SEM1: variants seen among roughly 807,000 people sequenced by gnomAD.
SEM1 encodes 26S proteasome complex subunit SEM1.
A neutral mutation model predicts 12.7 loss-of-function variants in SEM1; 3 were observed. The ratio of observed to expected loss-of-function variants is 0.24; its 90% CI spans 0.11 to 0.61. The LOEUF is 0.61. Among genes scored for constraint, SEM1 ranks in the 20% least tolerant of loss-of-function variants. The probability of loss-of-function intolerance (pLI) is 0.88; values close to 1 mark genes in which losing one functional copy is unlikely to be tolerated. For missense variants in SEM1, 59 were observed against 81.3 expected, an observed-to-expected ratio of 0.73 and a Z score of 1.06; for synonymous variants, 30 against 27.8, an observed-to-expected ratio of 1.08 and a Z score of -0.25.
At chr7:96,703,651 T>G (rs1304025994) in intron 1 of SEM1, among the ~76,000 whole-genome samples, 1 of 151,346 alleles carries the variant, frequency 6.6e-6, no homozygotes, top group Non-Finnish European at 1.5e-5. Flanking sequence ...ATATTCCATT[T>G]TTTTTTTTTC....
Position 96,572,588 on chromosome 7 carries a change from C to CAAAA in SEM1, c.171-65891_171-65890insTTTT, listed in dbSNP as rs573038066. On this transcript the variant is annotated intron_variant and NMD_transcript_variant, in intron 2 of 3. Transcript: ENST00000466986. ...GTTGTTCAGTTTTCATGTAGTTGTGCGGTTTTGAGTGAGTTTCTTTATCTG... is the reference window on the plus strand; with the variant it reads ...GTTGTTCAGTTTTCATGTAGTTGTGCAAAAGGTTTTGAGTGAGTTTCTTTATCTG... 5.3e-4 allele frequency among the ~76,000 whole-genome samples: 80 copies of CAAAA among 152,134 alleles called. 1 individual carries two copies. Among genetic ancestry groups the CAAAA allele is most frequent in the African/African-American group, 1.9e-3 (77 of 41,498 alleles).
chr7:96,587,124 A>G (rs1806664712), intron 2 of SEM1, among the ~76,000 whole-genome samples: 1 of 152,258 alleles, frequency 6.6e-6, no homozygotes, highest in Admixed American at 6.5e-5. Context: ...GAGAACACCA[A>G]TATTAAACAT....
At chr7:96,624,935 T>C (rs1244877361) in intron 2 of SEM1, among the ~76,000 whole-genome samples, 3 of 152,200 alleles carry the variant, frequency 2.0e-5, no homozygotes, top group Non-Finnish European at 4.4e-5. Flanking sequence ...ATAATGCTGA[T>C]AGAATTAATG....
intron 1 of SEM1, among the ~76,000 whole-genome samples, chr7:96,700,976 A>G (rs2115972201): frequency 6.6e-6 from 1 of 152,312 alleles, no homozygotes; most frequent in African/African-American, 2.4e-5. Context: ...TTAAATTTAC[A>G]AGTTTCTAAT....
In SEM1 at chr7:96,567,539, A is replaced by G. The variant is rs149013559; in HGVS notation, c.171-60841T>C. Among the ~76,000 whole-genome samples the G allele has an allele frequency of 2.0e-4, 31 of 151,590 alleles. No homozygotes were observed. The East Asian group carries it at 5.2e-3, about 26-fold the overall frequency. On this transcript the variant is annotated intron_variant and NMD_transcript_variant, in intron 2 of 3. Coordinates refer to the SEM1 transcript ENST00000466986. Reference sequence around the variant, plus strand: ...TTCCACATTTATAACCTCTAAAGCAATGAGAAGTAATCATTGTAATGGTGG... The same window carrying G: ...TTCCACATTTATAACCTCTAAAGCAGTGAGAAGTAATCATTGTAATGGTGG...
intron 2 of SEM1, among the ~76,000 whole-genome samples, chr7:96,598,229 T>C (rs563003656): frequency 6.6e-6 from 1 of 152,252 alleles, no homozygotes; most frequent in East Asian, 1.9e-4. Flanking sequence ...AATGAACTGG[T>C]AGAGTCAGGG....
chr7:96,587,359 C>T (rs1806674172), intron 2 of SEM1, among the ~76,000 whole-genome samples: 1 of 152,198 alleles, frequency 6.6e-6, no homozygotes, highest in African/African-American at 2.4e-5. Flanking sequence ...CTGAAAAAGG[C>T]TTCTGTTCTC....
intron 2 of SEM1, among the ~76,000 whole-genome samples, chr7:96,542,873 T>TTTCC (rs1735745830): frequency 6.6e-6 from 1 of 151,930 alleles, no homozygotes; most frequent in Non-Finnish European, 1.5e-5. Flanking sequence ...AAGATCTGTA[T>TTTCC]ACCACTGTTA....
intron 2 of SEM1, among the ~76,000 whole-genome samples, chr7:96,535,695 G>C (rs1804766505): frequency 6.6e-6 from 1 of 151,778 alleles, no homozygotes; most frequent in South Asian, 2.1e-4. Context: ...CCTCTCATTA[G>C]TGATAACATG....
chr7:96,619,405 C>G (rs1807821154), downstream of SEM1, among the ~76,000 whole-genome samples: 1 of 151,992 alleles, frequency 6.6e-6, no homozygotes, highest in Non-Finnish European at 1.5e-5. Flanking sequence ...TAAGGCATAG[C>G]TATTAGCTGA....
intron 2 of SEM1, among the ~76,000 whole-genome samples, chr7:96,542,988 T>C (rs1805001406): frequency 1.3e-5 from 2 of 151,990 alleles, no homozygotes; most frequent in Admixed American, 1.3e-4. Flanking sequence ...TGGGATGTTA[T>C]ATAGCTTTTG....
intron 2 of SEM1, among the ~76,000 whole-genome samples, chr7:96,594,397 AC>A (rs201575222): frequency 4.8e-4 from 71 of 148,888 alleles, no homozygotes; most frequent in African/African-American, 1.6e-3. Context: ...GAATATGAAA[AC>A]CCCCCCACCA....
intron 2 of SEM1, among the ~76,000 whole-genome samples, chr7:96,631,387 T>G (rs2116336847): frequency 6.6e-6 from 1 of 152,236 alleles, no homozygotes; most frequent in African/African-American, 2.4e-5. Flanking sequence ...AGTTTTTTTC[T>G]TTTATAATAG....
At chr7:96,585,543 A>G (rs1806592435) in intron 2 of SEM1, among the ~76,000 whole-genome samples, 1 of 152,222 alleles carries the variant, frequency 6.6e-6, no homozygotes, top group African/African-American at 2.4e-5. Flanking sequence ...AGCCTGGGCA[A>G]TGGCGGGCGC....
At chr7:96,524,304 C>G (rs993141463) in intron 2 of SEM1, among the ~76,000 whole-genome samples, 1 of 152,108 alleles carries the variant, frequency 6.6e-6, no homozygotes, top group African/African-American at 2.4e-5. Context: ...TAGACCAAAG[C>G]TGCTCAATAG....
chr7:96,510,074 A>G (rs939127640), intron 2 of SEM1, among the ~76,000 whole-genome samples: 29 of 152,190 alleles, frequency 1.9e-4, no homozygotes, highest in East Asian at 7.7e-4. Flanking sequence ...ATAAATTACC[A>G]TAATAAAAAT....
At chr7:96,575,822 T>A (rs537626765) in intron 2 of SEM1, among the ~76,000 whole-genome samples, 4 of 152,304 alleles carry the variant, frequency 2.6e-5, no homozygotes, top group South Asian at 4.1e-4. Context: ...TTGCAAACTA[T>A]GCATCTGACA....
intron 2 of SEM1, among the ~76,000 whole-genome samples, chr7:96,513,764 G>A (rs1336520693): frequency 2.0e-5 from 3 of 152,084 alleles, no homozygotes; most frequent in Non-Finnish European, 4.4e-5. Context: ...AGGAGGCAGA[G>A]GTTGCAGTAT....
At chr7:96,709,560 C>T (rs1033682821) in intron 1 of SEM1, 128 bp downstream of exon 1, 2 of 827,836 alleles carry the variant, frequency 2.4e-6, no homozygotes, top group Non-Finnish European at 4.0e-6. Context: ...GTTAGCGCCT[C>T]GAGTGCCGGC....
Sources: gnomAD v4.1 joint callset for allele counts (sites outside exome capture counted in the v4.1 genomes callset) on GRCh38, gnomAD v4.1.1 for gene constraint, MANE v1.5 for transcripts, NCBI Gene and HGNC (gene_info 2026-07-23, HGNC 2026-07-21) for gene names.